ADARB2: variants seen among roughly 807,000 people sequenced by gnomAD.
ADARB2 encodes the protein inactive double-stranded RNA-specific editase B2.
In ADARB2, 25 loss-of-function variants were observed where a neutral mutation model predicts 62.2. The observed-to-expected ratio is 0.40, with a 90% CI of 0.29 to 0.56. The LOEUF is 0.56. Ranked by LOEUF, ADARB2 falls within the 20% of genes least tolerant of loss-of-function variation. The pLI is 0.43. For missense variants in ADARB2, 1,071 were observed against 1,077.4 expected (o/e 0.99, Z 0.08); for synonymous variants, 572 against 500.8 (o/e 1.14, Z -1.90).
chr10:1,233,746 G>A lies in ADARB2; in HGVS notation c.1461C>T (p.Thr487=), dbSNP rs773087929. ...GGAGTCTTGCGTCTCCACAGGGGGAGGTGCTCACGTAGAGATGGAAGAGGA... is the reference window on the plus strand; with the variant it reads ...GGAGTCTTGCGTCTCCACAGGGGGAAGTGCTCACGTAGAGATGGAAGAGGA... ...ENILFHLYVS[T]SPCGDARLHS... is the part of the protein sequence containing the mutation. The change falls in exon 6 of 10, where the codon ACC becomes ACT. Residue 487 remains threonine, a synonymous_variant. Coordinates refer to ENST00000381312, the MANE Select transcript of ADARB2 (RefSeq NM_018702.4). 1 of 1,613,978 alleles carries A rather than the reference G, an allele frequency of 6.2e-7. No individual in the cohort carries two copies. Among genetic ancestry groups the A allele is most frequent in the East Asian group, 2.2e-5 (1 of 44,862 alleles).
intron 7 of ADARB2, among the ~76,000 whole-genome samples, chr10:1,210,233 G>A (rs377647649): frequency 1.3e-5 from 2 of 152,196 alleles, no homozygotes; most frequent in Non-Finnish European, 2.9e-5. Context: ...CACACTTTCT[G>A]TACCTTAATG....
intron 1 of ADARB2, among the ~76,000 whole-genome samples, chr10:1,662,733 C>T (rs528180970): frequency 6.0e-4 from 91 of 152,304 alleles, no homozygotes; most frequent in Admixed American, 1.5e-3. Flanking sequence ...CCGCAGGCTC[C>T]GGTTGCAACA....
chr10:1,571,297 T>TAA (rs1554772644), intron 1 of ADARB2, among the ~76,000 whole-genome samples: 55 of 151,218 alleles, frequency 3.6e-4, no homozygotes, highest in African/African-American at 1.1e-3. Flanking sequence ...TTTTTTTTTT[T>TAA]AAAAAAAGCC....
chr10:1,209,411 A>G (rs1564221193), intron 7 of ADARB2, among the ~76,000 whole-genome samples: 1 of 98,092 alleles, frequency 1.0e-5, no homozygotes, highest in African/African-American at 4.4e-5. Context: ...TATCACCTAC[A>G]GCAACACCGT....
chr10:1,196,949 C>T (rs1836919739), intron 8 of ADARB2, among the ~76,000 whole-genome samples: 1 of 152,070 alleles, frequency 6.6e-6, no homozygotes, highest in Non-Finnish European at 1.5e-5. Context: ...TTTTTTCCAC[C>T]AAAAATTCCT....
At chr10:1,665,394 C>T (rs887027466) in intron 1 of ADARB2, among the ~76,000 whole-genome samples, 4 of 152,242 alleles carry the variant, frequency 2.6e-5, no homozygotes, top group African/African-American at 7.2e-5. Flanking sequence ...ACGTGGGGAA[C>T]TCGCATCCAC....
chr10:1,624,015 T>G (rs1833737823), intron 1 of ADARB2, among the ~76,000 whole-genome samples: 1 of 152,036 alleles, frequency 6.6e-6, no homozygotes, highest in African/African-American at 2.4e-5. Flanking sequence ...GATCGATCAC[T>G]TAAGCCCAAG....
chr10:1,430,612 C>T (rs1414672520), intron 1 of ADARB2, among the ~76,000 whole-genome samples: 1 of 152,110 alleles, frequency 6.6e-6, no homozygotes, highest in East Asian at 1.9e-4. Flanking sequence ...TGGCGGCATG[C>T]ATCTGTAATA....
intron 3 of ADARB2, among the ~76,000 whole-genome samples, chr10:1,309,933 A>G (rs1004842426): frequency 6.6e-6 from 1 of 152,250 alleles, no homozygotes; most frequent in Non-Finnish European, 1.5e-5. Flanking sequence ...GGGCCGCATC[A>G]TTCCACCTGG....
intron 1 of ADARB2, among the ~76,000 whole-genome samples, chr10:1,493,730 T>C (rs12763060): frequency 1.2e-4 from 1 of 8,394 alleles, no homozygotes; most frequent in Non-Finnish European, 3.3e-4. Flanking sequence ...TATGGCATTC[T>C]TTTTTTTTTT....
Position 1,271,034 on chromosome 10 carries a change from C to G in ADARB2, c.1113G>C (p.Gln371His), listed in dbSNP as rs749243085. ...GGTCCGTCGTCACCTCGCGGAACTT[C>G]TGTGTGACCAGCTGGGATATGGAGT... ...FADSISQLVTQKFREVTTDLT... is the reference protein window; with the variant it reads ...FADSISQLVTHKFREVTTDLT... Residue 371 changes from glutamine (Q) to histidine (H), a missense_variant, in exon 4 of 10, where the codon CAG becomes CAC. Gln to His is a conservative substitution (Grantham distance 24). Coordinates refer to ENST00000381312, the MANE Select transcript of ADARB2 (RefSeq NM_018702.4). The G allele has an allele frequency of 2.3e-5, 37 of 1,613,990 alleles. No homozygotes were observed. The highest frequency in any genetic ancestry group is 1.6e-4 in the Middle Eastern group (1 of 6,084).
chr10:1,509,458 G>A (rs950071783), intron 1 of ADARB2, among the ~76,000 whole-genome samples: 1 of 152,170 alleles, frequency 6.6e-6, no homozygotes, highest in Non-Finnish European at 1.5e-5. Flanking sequence ...AATTTGTACA[G>A]GATATTGGAA....
At chr10:1,510,380 C>T (rs186285439) in intron 1 of ADARB2, among the ~76,000 whole-genome samples, 17 of 152,060 alleles carry the variant, frequency 1.1e-4, no homozygotes, top group Admixed American at 2.6e-4. Flanking sequence ...TGGGGTCTCA[C>T]TATGTTGCCC....
At chr10:1,267,464 A>C (rs1831216082) in intron 4 of ADARB2, among the ~76,000 whole-genome samples, 1 of 152,214 alleles carries the variant, frequency 6.6e-6, no homozygotes, top group African/African-American at 2.4e-5. Context: ...CCACTGGAAG[A>C]GCAGGACGCC....
intron 1 of ADARB2, among the ~76,000 whole-genome samples, chr10:1,467,383 C>T (rs1454008082): frequency 6.6e-6 from 1 of 152,208 alleles, no homozygotes; most frequent in Non-Finnish European, 1.5e-5. Context: ...AGCCACTGCA[C>T]GGCTTCATGC....
chr10:1,241,306 G>A lies in ADARB2; in HGVS notation c.1361+825C>T, dbSNP rs147179735. Among the ~76,000 whole-genome samples the A allele has an allele frequency of 4.5e-4, 69 of 152,298 alleles. No homozygotes were observed. The East Asian group carries it at 7.7e-3, about 17-fold the overall frequency. On this transcript the variant is annotated intron_variant, in intron 5 of 9. Transcript: ENST00000381312. ...GTGTTAAGGTGTTGTTTTCAGCAGCGTCTGCTTAGGGCTACACGTGGGCCT... is the reference window on the plus strand; with the variant it reads ...GTGTTAAGGTGTTGTTTTCAGCAGCATCTGCTTAGGGCTACACGTGGGCCT...
intron 3 of ADARB2, among the ~76,000 whole-genome samples, chr10:1,282,490 C>T (rs1363449809): frequency 6.6e-6 from 1 of 152,158 alleles, no homozygotes; most frequent in African/African-American, 2.4e-5. Flanking sequence ...AATGATACTG[C>T]CATTGATGAC....
chr10:1,650,531 C>G (rs1048175541), intron 1 of ADARB2, among the ~76,000 whole-genome samples: 2 of 152,146 alleles, frequency 1.3e-5, no homozygotes, highest in South Asian at 4.2e-4. Context: ...CCAGTCTTGG[C>G]GAACTTCACA....
intron 1 of ADARB2, among the ~76,000 whole-genome samples, chr10:1,624,287 A>G (rs1833741092): frequency 6.6e-6 from 1 of 152,164 alleles, no homozygotes; most frequent in African/African-American, 2.4e-5. Context: ...AGAAAAAAAG[A>G]AAGAGAATAA....
Sources: gnomAD v4.1 joint callset for allele counts (sites outside exome capture counted in the v4.1 genomes callset) on GRCh38, gnomAD v4.1.1 for gene constraint, MANE v1.5 for transcripts, NCBI Gene and HGNC (gene_info 2026-07-23, HGNC 2026-07-21) for gene names.